Variants in CERS1 observed in about 807,000 individuals in gnomAD.
CERS1 encodes Embryonic growth/differentiation factor 1.
CERS1 carries 16 observed loss-of-function variants against 35.7 expected under a neutral mutation model. That is an observed-to-expected ratio of 0.45 (90% CI 0.30 to 0.68). The LOEUF (loss-of-function observed/expected upper bound fraction) is 0.68, where lower values mean the gene tolerates loss of function less well. Among genes scored for constraint, CERS1 ranks in the 30% least tolerant of loss-of-function variants. The probability of loss-of-function intolerance (pLI) is 0.08; values close to 1 mark genes in which losing one functional copy is unlikely to be tolerated. For missense variants in CERS1, 454 were observed against 453.9 expected, an observed-to-expected ratio of 1.00 and a Z score of 0.00; for synonymous variants, 243 against 201.6, an observed-to-expected ratio of 1.21 and a Z score of -1.74.
intron 6 of CERS1, among the ~76,000 whole-genome samples, chr19:18,872,151 T>A (rs1015298044): frequency 6.6e-6 from 1 of 152,236 alleles, no homozygotes; most frequent in Non-Finnish European, 1.5e-5. Flanking sequence ...TGGTAAAGTT[T>A]AGCATCCTCG....
Position 18,868,622 on chromosome 19 carries a change from A to C in CERS1, c.*1363T>G. The C allele has an allele frequency of 6.4e-7, 1 of 1,570,108 alleles. No homozygotes were observed. The highest frequency in any genetic ancestry group is 8.6e-7 in the Non-Finnish European group (1 of 1,157,854). On this transcript the variant is annotated 3_prime_UTR_variant, in exon 8 of 8. Transcript: ENST00000623882. ...TTAGCGGCAGCCGCACTCGTCCACC[A>C]CCATGTCCTCATACTGCCGCAGCAC...
intron 2 of CERS1, 57 bp from the exon 3 acceptor site, chr19:18,884,324 C>A (rs1490981349): frequency 2.6e-6 from 4 of 1,515,088 alleles, no homozygotes; most frequent in Non-Finnish European, 3.6e-6. Context: ...ACGATCGCCT[C>A]CATGACCCGG....
In CERS1 at chr19:18,872,803, C is replaced by T. The variant is rs912353242; in HGVS notation, c.1011-2184G>A. On this transcript the variant is annotated intron_variant, in intron 6 of 7. Coordinates refer to ENST00000623882, the MANE Select transcript of CERS1 (RefSeq NM_021267.5). ...GTGCTGGGATTACAGGCGTGAGCGC[C>T]GCGCCTGGCTAATTTTTATATTTTT... 3.3e-5 allele frequency among the ~76,000 whole-genome samples: 5 copies of T among 151,482 alleles called. No individual in the cohort carries two copies. In the South Asian group the frequency reaches 8.4e-4, roughly 25 times the overall value.
In CERS1 at chr19:18,887,438, GAAC is replaced by G. The variant is rs1006356435; in HGVS notation, c.410-3174_410-3172del. 3.9e-5 allele frequency among the ~76,000 whole-genome samples: 6 copies of G among 152,268 alleles called. No homozygotes were observed. The East Asian group carries it at 1.2e-3, about 29-fold the overall frequency. On this transcript the variant is annotated intron_variant, in intron 2 of 7. Coordinates refer to ENST00000623882, the MANE Select transcript of CERS1 (RefSeq NM_021267.5). ...CCAGACCTAGACAGAGGGGGTGGTT[GAAC>G]AACACTGTGAATGGACTAAAAGCTG...
At position 18,895,781 on chromosome 19, in the gene CERS1, C is replaced by T; in HGVS notation, c.249+43G>A. 1 of 1,121,458 alleles carries T rather than the reference C, an allele frequency of 8.9e-7. No homozygotes were observed. Among genetic ancestry groups the T allele is most frequent in the Non-Finnish European group, 1.1e-6 (1 of 893,302 alleles). The allele number at this position is 1,121,458 out of a possible 1,614,324, so 69.5% of individuals were successfully genotyped here. A position where few individuals can be genotyped will look rare whatever the true frequency, so the allele number is the denominator to read the frequency against. ...CCCCAGGTCCCCGGTCCCGGCTTCC[C>T]CCAGTCCGGGGTCCCCTCGTCCCGG... On this transcript the variant is annotated intron_variant, in intron 1 of 7. Coordinates refer to ENST00000623882, the MANE Select transcript of CERS1 (RefSeq NM_021267.5). The surrounding 1 kb of genome is among the most constrained non-coding windows in gnomAD (Gnocchi z 6.4).
chr19:18,874,221 T>C (rs911372474), intron 6 of CERS1, among the ~76,000 whole-genome samples: 1 of 152,190 alleles, frequency 6.6e-6, no homozygotes, highest in South Asian at 2.1e-4. Flanking sequence ...GAGATGATGA[T>C]GATGGGGACA....
chr19:18,892,375 G>C (rs188116678), intron 2 of CERS1, among the ~76,000 whole-genome samples: 1 of 152,094 alleles, frequency 6.6e-6, no homozygotes, highest in African/African-American at 2.4e-5. Flanking sequence ...AGCACTTTGG[G>C]AGGCTGAGGC....
Position 18,869,151 on chromosome 19 carries a change from C to T in CERS1, c.*834G>A, listed in dbSNP as rs2145986089. 1 of 1,125,146 alleles carries T rather than the reference C, an allele frequency of 8.9e-7. No homozygotes were observed. Among genetic ancestry groups the T allele is most frequent in the Non-Finnish European group, 1.1e-6 (1 of 919,026 alleles). The allele number at this position is 1,125,146 out of a possible 1,614,324, so 69.7% of individuals were successfully genotyped here. Reference sequence around the variant, plus strand: ...TCCGCGCGCACTGGCGGCCCCAGGGCGGGCACCAACTGGCGGAGCAGCACC... The same window carrying T: ...TCCGCGCGCACTGGCGGCCCCAGGGTGGGCACCAACTGGCGGAGCAGCACC... On this transcript the variant is annotated 3_prime_UTR_variant, in exon 8 of 8. Coordinates refer to ENST00000623882, the MANE Select transcript of CERS1 (RefSeq NM_021267.5).
At chr19:18,871,284 T>C (rs905446692) in intron 6 of CERS1, among the ~76,000 whole-genome samples, 1 of 147,314 alleles carries the variant, frequency 6.8e-6, no homozygotes, top group African/African-American at 2.5e-5. Context: ...TGGAGTGTGG[T>C]GGCACAATCT....
chr19:18,881,826 C>G (rs1601168105), intron 3 of CERS1: 1 of 152,032 alleles, frequency 6.6e-6, no homozygotes, highest in African/African-American at 2.4e-5. Context: ...CCTGCAGCCA[C>G]AATTTTTTTT....
chr19:18,869,072 A>C lies in CERS1; in HGVS notation c.*913T>G. Reference sequence around the variant, plus strand: ...GGCCCGGGGGCGTAGCGCCAGCGCCAGGCGGAGGCTGCGCGGCCATGAGGC... The same window carrying C: ...GGCCCGGGGGCGTAGCGCCAGCGCCCGGCGGAGGCTGCGCGGCCATGAGGC... On this transcript the variant is annotated 3_prime_UTR_variant, in exon 8 of 8. Transcript: ENST00000623882. The C allele has an allele frequency of 1.9e-6, 2 of 1,058,880 alleles. No individual in the cohort carries two copies. The highest frequency in any genetic ancestry group is 2.3e-6 in the Non-Finnish European group (2 of 878,162). 65.6% of individuals were successfully genotyped at this position (1,058,880 alleles called of 1,614,324 possible).
Position 18,869,204 on chromosome 19 carries a change from C to A in CERS1, c.*781G>T. The A allele has an allele frequency of 7.9e-7, 1 of 1,267,590 alleles. No individual in the cohort carries two copies. The highest frequency in any genetic ancestry group is 9.9e-7 in the Non-Finnish European group (1 of 1,010,028). 78.5% of individuals were successfully genotyped at this position (1,267,590 alleles called of 1,614,324 possible). On this transcript the variant is annotated 3_prime_UTR_variant, in exon 8 of 8. Transcript: ENST00000623882. ...CCCGGGGTCCGCGCCCGCGCCCTGG[C>A]CCGCTTGCGCCACGCTCAGCTCCCA...
intron 6 of CERS1, among the ~76,000 whole-genome samples, chr19:18,874,302 G>A (rs751506124): frequency 6.6e-6 from 1 of 152,162 alleles, no homozygotes; most frequent in Non-Finnish European, 1.5e-5. Flanking sequence ...GAAGTTCACA[G>A]TTTTCTATTT....
intron 2 of CERS1, among the ~76,000 whole-genome samples, chr19:18,891,707 A>G (rs1049214565): frequency 2.0e-5 from 3 of 151,606 alleles, no homozygotes; most frequent in Non-Finnish European, 4.4e-5. Flanking sequence ...CCTCCCAAGT[A>G]GCTGGTACTA....
chr19:18,878,264 AGTTTG>A lies in CERS1; in HGVS notation c.1010+661_1010+665del. On this transcript the variant is annotated intron_variant, in intron 6 of 7. Transcript: ENST00000623882. This position sits in a 1 kb window ranked among gnomAD's most constrained non-coding sequence, Gnocchi z 4.6. Reference sequence around the variant, plus strand: ...GCACACCCGACTCTGCTTGTTACCCAGTTTGGCCTCCGTTCATCCCTGGCCCAGAC... The same window carrying A: ...GCACACCCGACTCTGCTTGTTACCCAGCCTCCGTTCATCCCTGGCCCAGAC... The A allele has an allele frequency of 2.0e-6, 2 of 985,472 alleles. No homozygotes were observed. The highest frequency in any genetic ancestry group is 2.4e-6 in the Non-Finnish European group (2 of 830,210). 61.0% of individuals were successfully genotyped at this position (985,472 alleles called of 1,614,324 possible).
At chr19:18,893,628 C>T in intron 1 of CERS1, 53 bp from the exon 2 acceptor site, 2 of 1,549,426 alleles carry the variant, frequency 1.3e-6, no homozygotes, top group South Asian at 2.4e-5. Context: ...CCAGAGACTG[C>T]TCCTTTGGGG....
chr19:18,895,968 CCGCGCCGCCGCCAG>C lies in CERS1; in HGVS notation c.91_104del (p.Leu31GlyfsTer16). On this transcript the variant is annotated frameshift_variant, in exon 1 of 8. Coordinates refer to ENST00000623882, the MANE Select transcript of CERS1 (RefSeq NM_021267.5). LOFTEE classifies it high-confidence loss of function. The surrounding 1 kb of genome is among the most constrained non-coding windows in gnomAD (Gnocchi z 6.4). Reference sequence around the variant, plus strand: ...GCCCCCAGCCGCAGTCCGTGCAGCCCCGCGCCGCCGCCAGCGCGCTGCCCCAGCCGCGCTGCACT... The same window carrying C: ...GCCCCCAGCCGCAGTCCGTGCAGCCCCGCGCTGCCCCAGCCGCGCTGCACT... 9.4e-7 allele frequency: 1 copy of C among 1,066,232 alleles called. No homozygotes were observed. Among genetic ancestry groups the C allele is most frequent in the Non-Finnish European group, 1.1e-6 (1 of 881,884 alleles). The allele number at this position is 1,066,232 out of a possible 1,614,324, so 66.0% of individuals were successfully genotyped here. A position where few individuals can be genotyped will look rare whatever the true frequency, so the allele number is the denominator to read the frequency against.
intron 2 of CERS1, among the ~76,000 whole-genome samples, chr19:18,892,738 C>T (rs532941699): frequency 8.5e-5 from 13 of 152,252 alleles, no homozygotes; most frequent in African/African-American, 2.9e-4. Context: ...CTGTTACCGA[C>T]ACCTGGAATG....
At chr19:18,869,833 G>C (rs1171346258) in intron 7 of CERS1, 150 bp downstream of exon 7, 2 of 729,832 alleles carry the variant, frequency 2.7e-6, no homozygotes, top group African/African-American at 1.7e-5. Context: ...GACGAGGAAA[G>C]GGTGAGGTGC....
Sources: gnomAD v4.1 joint callset for allele counts (sites outside exome capture counted in the v4.1 genomes callset) on GRCh38, gnomAD v4.1.1 for gene constraint, Gnocchi (gnomAD v3.1) non-coding constraint, MANE v1.5 for transcripts, NCBI Gene and HGNC (gene_info 2026-07-23, HGNC 2026-07-21) for gene names.